Variants in PFKFB3 observed in about 807,000 individuals in gnomAD.
PFKFB3 encodes 6-phosphofructo-2-kinase/fructose-2,6-biphosphatase 3, also known as 6-phosphofructo-2-kinase/fructose-2,6-bisphosphatase 3.
A neutral mutation model predicts 68.0 loss-of-function variants in PFKFB3; 33 were observed. The ratio of observed to expected loss-of-function variants is 0.49; its 90% CI spans 0.37 to 0.65. The LOEUF is 0.65. Among genes scored for constraint, PFKFB3 ranks in the 30% least tolerant of loss-of-function variants. The pLI, the probability that PFKFB3 is intolerant of heterozygous loss-of-function variation, is 0.00. For synonymous variants in PFKFB3, 315 were observed against 288.2 expected, an observed-to-expected ratio of 1.09 and a Z score of -0.94; for missense variants, 586 against 712.2, an observed-to-expected ratio of 0.82 and a Z score of 2.02.
At chr10:6,300,939 A>G in the PFKFB3 span, among the ~76,000 whole-genome samples, 1 of 152,180 alleles carries the variant, frequency 6.6e-6, no homozygotes, top group Non-Finnish European at 1.5e-5. Flanking sequence ...AAATAGAGGA[A>G]TCTTGTTCTT....
the PFKFB3 span, among the ~76,000 whole-genome samples, chr10:6,262,890 G>T: frequency 6.6e-6 from 1 of 152,208 alleles, no homozygotes; most frequent in Non-Finnish European, 1.5e-5. Context: ...GGTGCTAATA[G>T]CCCAGAGGGG....
At chr10:6,273,083 G>A in the PFKFB3 span, among the ~76,000 whole-genome samples, 2 of 137,522 alleles carry the variant, frequency 1.5e-5, no homozygotes, top group South Asian at 2.4e-4. Context: ...TTCAGCTCAC[G>A]ACAACCTCTG....
chr10:6,221,597 AC>A (rs1236153026), intron 9 of PFKFB3, 43 bp from the exon 10 acceptor site: 1 of 1,609,486 alleles, frequency 6.2e-7, no homozygotes, highest in Admixed American at 1.7e-5. Flanking sequence ...GGCCCTAGAC[AC>A]CCCTGTGGTT....
chr10:6,242,944 A>G (rs1846172277), intron 14 of PFKFB3, among the ~76,000 whole-genome samples: 3 of 152,200 alleles, frequency 2.0e-5, no homozygotes, highest in African/African-American at 7.2e-5. Context: ...GACCAGCCCA[A>G]AGGGGCTTGT....
intron 1 of PFKFB3, among the ~76,000 whole-genome samples, chr10:6,176,985 T>C (rs1000787205): frequency 6.6e-6 from 1 of 152,126 alleles, no homozygotes; most frequent in African/African-American, 2.4e-5. Flanking sequence ...AGGATGTGGG[T>C]GGCAGTGCCT....
At chr10:6,216,582 C>T in intron 4 of PFKFB3, 124 bp from the exon 5 acceptor site, 1 of 744,974 alleles carries the variant, frequency 1.3e-6, no homozygotes, top group East Asian at 2.4e-5. Context: ...CAGGCACAAG[C>T]TCCCCTGAAG....
chr10:6,300,708 T>A, the PFKFB3 span, among the ~76,000 whole-genome samples: 1 of 152,142 alleles, frequency 6.6e-6, no homozygotes. Context: ...GCAAAGCCAG[T>A]CTCGCGAGGC....
At chr10:6,267,276 C>T in the PFKFB3 span, among the ~76,000 whole-genome samples, 1 of 152,250 alleles carries the variant, frequency 6.6e-6, no homozygotes, top group South Asian at 2.1e-4. Context: ...TGCTTTTATT[C>T]ACCGCTTGAT....
downstream of PFKFB3, among the ~76,000 whole-genome samples, chr10:6,257,298 G>T (rs1473846729): frequency 2.6e-5 from 4 of 152,116 alleles, no homozygotes; most frequent in East Asian, 5.8e-4. Context: ...TGATTACCTG[G>T]GAGTCTGAGC....
chr10:6,283,939 T>A, the PFKFB3 span, among the ~76,000 whole-genome samples: 1 of 152,146 alleles, frequency 6.6e-6, no homozygotes, highest in Non-Finnish European at 1.5e-5. Context: ...ACATCATGCC[T>A]CATTACCCTA....
chr10:6,255,399 C>T (rs1000222437), downstream of PFKFB3, among the ~76,000 whole-genome samples: 2 of 152,258 alleles, frequency 1.3e-5, no homozygotes, highest in Non-Finnish European at 2.9e-5. Flanking sequence ...GCTGGGATTA[C>T]AGGCGTGAGC....
intron 1 of PFKFB3, among the ~76,000 whole-genome samples, chr10:6,204,668 G>A (rs533379065): frequency 6.6e-6 from 1 of 152,358 alleles, no homozygotes; most frequent in South Asian, 2.1e-4. Context: ...GCCCAGCCCA[G>A]TCAGATGCGC....
intron 14 of PFKFB3, among the ~76,000 whole-genome samples, chr10:6,243,990 G>C (rs1846197082): frequency 6.6e-6 from 1 of 152,138 alleles, no homozygotes; most frequent in Non-Finnish European, 1.5e-5. Flanking sequence ...CTCCCGAGTA[G>C]CTGAGACTAC....
At chr10:6,177,444 CT>C (rs1327397275) in intron 1 of PFKFB3, among the ~76,000 whole-genome samples, 1 of 108,432 alleles carries the variant, frequency 9.2e-6, no homozygotes, top group South Asian at 3.1e-4. Context: ...CTTTCTCTTT[CT>C]TTCTTTCTTT....
At chr10:6,272,625 G>A in the PFKFB3 span, among the ~76,000 whole-genome samples, 77 of 152,060 alleles carry the variant, frequency 5.1e-4, no homozygotes, top group African/African-American at 1.7e-3. Context: ...AACCCGGGAG[G>A]CAGAGGTTCC....
At chr10:6,153,861 A>G (rs967698707) in intron 1 of PFKFB3, among the ~76,000 whole-genome samples, 2 of 151,980 alleles carry the variant, frequency 1.3e-5, no homozygotes, top group African/African-American at 4.8e-5. Context: ...CTAAAAAAAA[A>G]AAGAGAGGGG....
At chr10:6,323,395 G>A in the PFKFB3 span, among the ~76,000 whole-genome samples, 5 of 152,178 alleles carry the variant, frequency 3.3e-5, no homozygotes, top group African/African-American at 1.2e-4. Flanking sequence ...GAAAGAGAGG[G>A]ATGCCTCACC....
intron 2 of PFKFB3, among the ~76,000 whole-genome samples, chr10:6,214,644 C>T (rs1446129915): frequency 6.6e-6 from 1 of 152,040 alleles, no homozygotes; most frequent in Non-Finnish European, 1.5e-5. Flanking sequence ...AACATTGTAC[C>T]CAACTGGTTA....
chr10:6,147,275 A>G (rs149495411), intron 1 of PFKFB3, among the ~76,000 whole-genome samples: 2 of 152,350 alleles, frequency 1.3e-5, no homozygotes, highest in East Asian at 3.9e-4. Flanking sequence ...GAATGTGTTA[A>G]CTATTCAGAA....
Sources: allele counts gnomAD v4.1 joint callset (sites outside exome capture counted in the v4.1 genomes callset), GRCh38; gene constraint gnomAD v4.1.1; transcripts MANE v1.5; gene names NCBI Gene and HGNC (gene_info 2026-07-23, HGNC 2026-07-21).